ZNF439: variants seen among roughly 807,000 people sequenced by gnomAD.
ZNF439 encodes zinc finger protein 439.
A neutral mutation model predicts 47.3 loss-of-function variants in ZNF439; 40 were observed. The ratio of observed to expected loss-of-function variants is 0.85; its 90% confidence interval spans 0.66 to 1.10. The LOEUF (loss-of-function observed/expected upper bound fraction) is 1.10, where lower values mean the gene tolerates loss of function less well. Among genes scored for constraint, ZNF439 ranks in the 50% least tolerant of loss-of-function variants. ZNF439 has a pLI of 0.00. For missense variants in ZNF439, 556 were observed against 601.1 expected, an observed-to-expected ratio of 0.93 and a Z score of 0.78; for synonymous variants, 171 against 198.8, an observed-to-expected ratio of 0.86 and a Z score of 1.18.
chr19:11,866,264 GGATATTTCCCA>G lies in ZNF439; in HGVS notation c.126_136del (p.Asp42GlufsTer28), dbSNP rs762405932. The stretch of plus-strand genomic sequence containing the variant: ...TCACCCAGGAGGAGTGGGCTTTGCT[GGATATTTCCCA>G]GAAGAATCTCTACAGGGAAGTGATG... On this transcript the variant is annotated frameshift_variant, in exon 2 of 4. Transcript: ENST00000682736. LOFTEE classifies it high-confidence loss of function. 70 of 1,614,086 alleles carry G rather than the reference GGATATTTCCCA, an allele frequency of 4.3e-5. No individual in the cohort carries two copies. Among genetic ancestry groups the G allele is most frequent in the Non-Finnish European group, 5.7e-5 (67 of 1,180,000 alleles).
Position 11,866,536 on chromosome 19 carries a change from G to A in ZNF439, c.191-1G>A. 1 of 1,612,076 alleles carries A rather than the reference G, an allele frequency of 6.2e-7. No homozygotes were observed. Among genetic ancestry groups the A allele is most frequent in the Non-Finnish European group, 8.5e-7 (1 of 1,179,302 alleles). On this transcript the variant is annotated splice_acceptor_variant, in intron 2 of 3. Transcript: ENST00000682736. LOFTEE classifies it high-confidence loss of function. ...ATTATTTTTCTGTGTTTGTATTTTA[G>A]GAAAAAAGTGGAAAGACCAGAACAT...
At position 11,867,420 on chromosome 19, in the gene ZNF439, A is replaced by T. The variant is rs1976716643; in HGVS notation, c.366A>T (p.Glu122Asp). 1 of 1,613,932 alleles carries T rather than the reference A, an allele frequency of 6.2e-7. No homozygotes were observed. Among genetic ancestry groups the T allele is most frequent in the African/African-American group, 1.3e-5 (1 of 74,932 alleles). The change falls in exon 4 of 4, where the codon GAA (glutamate) becomes GAT (aspartate). Residue 122 changes from glutamate to aspartate, a missense_variant. Glu to Asp is a conservative substitution (Grantham distance 45, BLOSUM62 2). Coordinates refer to ENST00000682736, the MANE Select transcript of ZNF439 (RefSeq NM_001348719.2). ...LNFQKKKASP[E>D]VKSCDSFVCE... Reference sequence around the variant, plus strand: ...TCCAGAAGAAGAAAGCTTCTCCTGAAGTAAAATCATGTGACAGCTTTGTGT... The same window carrying T: ...TCCAGAAGAAGAAAGCTTCTCCTGATGTAAAATCATGTGACAGCTTTGTGT...
Position 11,867,690 on chromosome 19 carries a change from G to A in ZNF439, c.636G>A (p.Val212=), listed in dbSNP as rs1976731216. The change falls in exon 4 of 4, where the codon GTG becomes GTA. Residue 212 remains valine (V), a synonymous_variant. Coordinates refer to ENST00000682736, the MANE Select transcript of ZNF439 (RefSeq NM_001348719.2). ...CAAGCATTCAAAGACACATGGTAGT[G>A]CACAGTGGGGATGGACCTTATAAAT... ...YHSSIQRHMV[V]HSGDGPYKCK... is the part of the protein sequence containing the mutation. The A allele has an allele frequency of 6.2e-7, 1 of 1,614,072 alleles. No homozygotes were observed. The highest frequency in any genetic ancestry group is 8.5e-7 in the Non-Finnish European group (1 of 1,179,904).
intron 1 of ZNF439, chr19:11,849,464 A>G: frequency 3.8e-6 from 1 of 263,806 alleles, no homozygotes; most frequent in Non-Finnish European, 5.9e-6. Context: ...TGGCCGAGGG[A>G]AACACAACCC....
At chr19:11,860,760 A>G (rs1976518892) in intron 1 of ZNF439, among the ~76,000 whole-genome samples, 1 of 152,064 alleles carries the variant, frequency 6.6e-6, no homozygotes, top group South Asian at 2.1e-4. Flanking sequence ...GATTTAGAGC[A>G]GGCCTGCATG....
chr19:11,867,376 C>T lies in ZNF439; in HGVS notation c.322C>T (p.Pro108Ser), dbSNP rs1396139429. ...TTGTGGAGAAACTTTTACCCCAGTT[C>T]CAGATGACAGGCTGAACTTCCAGAA... is the stretch of plus-strand genomic sequence containing the variant. ...SHCGETFTPV[P>S]DDRLNFQKKK... is the part of the protein sequence containing the mutation. The change falls in exon 4 of 4, where the codon CCA (proline) becomes TCA (serine). Residue 108 changes from proline (P) to serine (S), a missense_variant. Coordinates refer to ENST00000682736, the MANE Select transcript of ZNF439 (RefSeq NM_001348719.2). The T allele has an allele frequency of 4.3e-6, 7 of 1,613,794 alleles. No homozygotes were observed. The highest frequency in any genetic ancestry group is 5.1e-6 in the Non-Finnish European group (6 of 1,179,860).
At chr19:11,863,152 CTTTTT>C (rs34655587) in intron 1 of ZNF439, among the ~76,000 whole-genome samples, 5 of 90,058 alleles carry the variant, frequency 5.6e-5, no homozygotes, top group Non-Finnish European at 4.4e-5. Context: ...AAAGATTTTG[CTTTTT>C]TTTTTTTTTT....
At chr19:11,862,466 A>C (rs755589347) in intron 1 of ZNF439, among the ~76,000 whole-genome samples, 2 of 151,536 alleles carry the variant, frequency 1.3e-5, no homozygotes, top group Non-Finnish European at 2.9e-5. Context: ...TTTGGCAGTT[A>C]TGAGTAAGGC....
Position 11,867,530 on chromosome 19 carries a change from GAC to G in ZNF439, c.477_478del (p.Pro160LysfsTer9), listed in dbSNP as rs1976722227. 4.3e-6 allele frequency: 7 copies of G among 1,614,044 alleles called. No homozygotes were observed. In the African/African-American group the frequency reaches 8.0e-5, roughly 18 times the overall value. ...AAGGCATGTGAATGTCAGGAATATG[GAC>G]CAAAGCCATGGAAGAGTCAACAACC... is the stretch of plus-strand genomic sequence containing the variant. On this transcript the variant is annotated frameshift_variant, in exon 4 of 4. Transcript: ENST00000682736. LOFTEE classifies it high-confidence loss of function.
chr19:11,854,542 A>G (rs1976333443), intron 1 of ZNF439, among the ~76,000 whole-genome samples: 1 of 152,120 alleles, frequency 6.6e-6, no homozygotes, highest in African/African-American at 2.4e-5. Flanking sequence ...GGTGGATTAC[A>G]AGGTCAGGAG....
rs559848777 is a variant in ZNF439, at chr19:11,867,216, G to C, written c.252-90G>C. ...GGCAGAAAGCCTACACTTTGATGGA[G>C]AGTGTTAAAAATGCAAGTACAATAC... is the stretch of plus-strand genomic sequence containing the variant. On this transcript the variant is annotated intron_variant, in intron 3 of 3. Coordinates refer to ENST00000682736, the MANE Select transcript of ZNF439 (RefSeq NM_001348719.2). 6.6e-5 allele frequency: 94 copies of C among 1,414,582 alleles called. No individual in the cohort carries two copies. In the African/African-American group the frequency reaches 1.1e-3, roughly 16 times the overall value. 87.6% of individuals were successfully genotyped at this position (1,414,582 alleles called of 1,614,324 possible).
chr19:11,865,498 T>A (rs1156754500), intron 1 of ZNF439, among the ~76,000 whole-genome samples: 1 of 150,416 alleles, frequency 6.6e-6, no homozygotes, highest in Non-Finnish European at 1.5e-5. Flanking sequence ...CTACCCTTCC[T>A]GCTCTTGGCT....
rs1215754877 is a variant in ZNF439 at position 11,868,838 on chromosome 19, A to T, written c.*269A>T. The stretch of plus-strand genomic sequence containing the variant: ...CCTATGAATGTAAGAAATGTGGAAA[A>T]GCGTTCCATAATTTCTCTTCTTTTC... On this transcript the variant is annotated 3_prime_UTR_variant, in exon 4 of 4. Transcript: ENST00000682736. 1.9e-6 allele frequency: 1 copy of T among 513,552 alleles called. No homozygotes were observed. Among genetic ancestry groups the T allele is most frequent in the Non-Finnish European group, 3.6e-6 (1 of 276,972 alleles). 31.8% of individuals were successfully genotyped at this position (513,552 alleles called of 1,614,324 possible). A position where few individuals can be genotyped will look rare whatever the true frequency, so the allele number is the denominator to read the frequency against.
At chr19:11,857,475 TAC>T (rs1464125380) in intron 1 of ZNF439, 1 of 152,228 alleles carries the variant, frequency 6.6e-6, no homozygotes. Flanking sequence ...CTATTACTGA[TAC>T]AGACTTGTCT....
chr19:11,864,388 C>T (rs1976617989), intron 1 of ZNF439, among the ~76,000 whole-genome samples: 1 of 152,106 alleles, frequency 6.6e-6, no homozygotes, highest in Non-Finnish European at 1.5e-5. Context: ...ACCTCTGCCT[C>T]CCGGGTTCAA....
At chr19:11,861,956 G>A (rs1180170250) in intron 1 of ZNF439, among the ~76,000 whole-genome samples, 1 of 152,162 alleles carries the variant, frequency 6.6e-6, no homozygotes, top group African/African-American at 2.4e-5. Flanking sequence ...TGTCTTTAGT[G>A]CACTCTCCTA....
rs991030140 is a variant in ZNF439 at position 11,848,991 on chromosome 19, C to T, written c.63+61C>T. ...GGGGCTGCCTGGAACTGGCGGGACCCGGGCCTCCCTGTGGGCGACTCCGGG... is the reference window on the plus strand; with the variant it reads ...GGGGCTGCCTGGAACTGGCGGGACCTGGGCCTCCCTGTGGGCGACTCCGGG... On this transcript the variant is annotated intron_variant, in intron 1 of 3. Coordinates refer to ENST00000682736, the MANE Select transcript of ZNF439 (RefSeq NM_001348719.2). 13 of 1,463,454 alleles carry T rather than the reference C, an allele frequency of 8.9e-6. No individual in the cohort carries two copies. In the Admixed American group the frequency reaches 1.2e-4, roughly 13 times the overall value. 90.7% of individuals were successfully genotyped at this position (1,463,454 alleles called of 1,614,324 possible). A position where few individuals can be genotyped will look rare whatever the true frequency, so the allele number is the denominator to read the frequency against.
intron 1 of ZNF439, among the ~76,000 whole-genome samples, chr19:11,860,794 T>C (rs1976519852): frequency 6.6e-6 from 1 of 152,110 alleles, no homozygotes. Context: ...AACAATAGGC[T>C]CCAGATGTCC....
At chr19:11,849,735 G>C (rs1324533630) in intron 1 of ZNF439, 2 of 152,116 alleles carry the variant, frequency 1.3e-5, no homozygotes, top group Non-Finnish European at 1.5e-5. Flanking sequence ...AAGGGGGTCT[G>C]TTATCTGCCA....
Sources: gnomAD v4.1 joint callset for allele counts (sites outside exome capture counted in the v4.1 genomes callset) on GRCh38, gnomAD v4.1.1 for gene constraint, MANE v1.5 for transcripts, NCBI Gene and HGNC (gene_info 2026-07-23, HGNC 2026-07-21) for gene names.